The following SDK1 variants were observed in gnomAD, a reference collection of about 807,000 sequenced individuals.
SDK1 encodes sidekick cell adhesion molecule 1, also known as protein sidekick-1.
A neutral mutation model predicts 245.5 loss-of-function variants in SDK1; 157 were observed. That is an observed-to-expected ratio of 0.64 (90% CI 0.56 to 0.73). SDK1 has a LOEUF of 0.73. Among genes scored for constraint, SDK1 ranks in the 30% least tolerant of loss-of-function variants. The pLI is 0.00. For synonymous variants in SDK1, 1,647 were observed against 1,278.5 expected (o/e 1.29, Z -6.15); for missense variants, 3,583 against 3,002.3 (o/e 1.19, Z -4.52).
intron 1 of SDK1, among the ~76,000 whole-genome samples, chr7:3,592,450 A>G (rs996800824): frequency 9.2e-5 from 14 of 152,158 alleles, no homozygotes; most frequent in Admixed American, 4.6e-4. Flanking sequence ...TAGTCCAGAT[A>G]ATTATCACTC....
chr7:4,144,544 G>C (rs1309249222), intron 28 of SDK1, among the ~76,000 whole-genome samples: 1 of 151,860 alleles, frequency 6.6e-6, no homozygotes, highest in Non-Finnish European at 1.5e-5. Context: ...CCACCTCCCA[G>C]ATGGCGGGCT....
intron 1 of SDK1, among the ~76,000 whole-genome samples, chr7:3,379,006 A>C (rs1781419931): frequency 6.6e-6 from 1 of 152,042 alleles, no homozygotes; most frequent in Non-Finnish European, 1.5e-5. Flanking sequence ...CTCGTTAATT[A>C]CTTGGCCAAT....
At chr7:3,655,443 A>G (rs1783134133) in intron 4 of SDK1, among the ~76,000 whole-genome samples, 1 of 119,082 alleles carries the variant, frequency 8.4e-6, no homozygotes, top group Non-Finnish European at 1.7e-5. Context: ...AAACAAAACA[A>G]AACAAATATA....
chr7:3,790,129 CT>C (rs1781033529), intron 4 of SDK1, among the ~76,000 whole-genome samples: 1 of 152,124 alleles, frequency 6.6e-6, no homozygotes, highest in African/African-American at 2.4e-5. Context: ...AGTCTGCAGA[CT>C]GAATGGTGGG....
intron 5 of SDK1, among the ~76,000 whole-genome samples, chr7:3,928,491 C>CA (rs948618434): frequency 6.6e-6 from 1 of 151,980 alleles, no homozygotes; most frequent in African/African-American, 2.4e-5. Context: ...AAGTTCAGGT[C>CA]AAAAAAATAT....
intron 1 of SDK1, among the ~76,000 whole-genome samples, chr7:3,527,451 G>A (rs190774777): frequency 2.0e-5 from 3 of 152,310 alleles, no homozygotes; most frequent in Non-Finnish European, 4.4e-5. Context: ...GCCATGAAGG[G>A]CAGTTTAGGG....
intron 1 of SDK1, among the ~76,000 whole-genome samples, chr7:3,353,119 A>G (rs180679439): frequency 4.6e-5 from 7 of 152,212 alleles, no homozygotes; most frequent in African/African-American, 1.7e-4. Flanking sequence ...TTCTATTTCT[A>G]TTTTGTTTCC....
chr7:3,416,799 TC>T (rs1779377941), intron 1 of SDK1, among the ~76,000 whole-genome samples: 1 of 152,172 alleles, frequency 6.6e-6, no homozygotes, highest in African/African-American at 2.4e-5. Flanking sequence ...CATGTTCTGA[TC>T]CCCATCTGTC....
At chr7:3,870,518 G>C (rs1269332376) in intron 5 of SDK1, among the ~76,000 whole-genome samples, 1 of 151,858 alleles carries the variant, frequency 6.6e-6, no homozygotes, top group Non-Finnish European at 1.5e-5. Flanking sequence ...GTCCTTCCCT[G>C]ACCTTTTGAG....
At chr7:3,349,197 AC>A (rs773604987) in intron 1 of SDK1, among the ~76,000 whole-genome samples, 3 of 149,582 alleles carry the variant, frequency 2.0e-5, no homozygotes, top group African/African-American at 5.0e-5. Flanking sequence ...TTAAAAAAAA[AC>A]AACAAAAAAA....
intron 35 of SDK1, among the ~76,000 whole-genome samples, chr7:4,188,187 C>G (rs559230039): frequency 6.6e-6 from 1 of 152,254 alleles, no homozygotes; most frequent in African/African-American, 2.4e-5. Context: ...ATATCACTAG[C>G]TGTATATCTG....
chr7:3,802,078 C>G (rs1344845252), intron 4 of SDK1, among the ~76,000 whole-genome samples: 1 of 152,192 alleles, frequency 6.6e-6, no homozygotes, highest in Non-Finnish European at 1.5e-5. Context: ...GTTGCAAAAA[C>G]TATTCAGAGA....
chr7:3,511,694 C>T (rs1256141623), intron 1 of SDK1, among the ~76,000 whole-genome samples: 3 of 151,954 alleles, frequency 2.0e-5, no homozygotes, highest in African/African-American at 7.3e-5. Context: ...AAATAAGTCA[C>T]TGTGGACAGT....
intron 22 of SDK1, among the ~76,000 whole-genome samples, chr7:4,086,140 G>A (rs559292092): frequency 6.4e-4 from 97 of 152,092 alleles, no homozygotes; most frequent in Admixed American, 1.2e-3. Context: ...GCTGTCTTCC[G>A]GTGACAGCAC....
chr7:3,342,317 G>A (rs1192860193), intron 1 of SDK1, among the ~76,000 whole-genome samples: 2 of 152,104 alleles, frequency 1.3e-5, no homozygotes, highest in East Asian at 1.9e-4. Flanking sequence ...AGCCAGGTGC[G>A]GTGGCTCATG....
At chr7:3,468,756 G>GT (rs1781090907) in intron 1 of SDK1, among the ~76,000 whole-genome samples, 1 of 152,162 alleles carries the variant, frequency 6.6e-6, no homozygotes, top group Admixed American at 6.5e-5. Context: ...AGTGTTGTCC[G>GT]TATTTTGTTA....
chr7:3,329,278 A>G (rs1370154126), intron 1 of SDK1, among the ~76,000 whole-genome samples: 1 of 152,052 alleles, frequency 6.6e-6, no homozygotes, highest in Non-Finnish European at 1.5e-5. Context: ...GACTCTGGGG[A>G]AAAGCAGATT....
chr7:3,968,724 T>C (rs1457967860), intron 10 of SDK1, among the ~76,000 whole-genome samples: 1 of 152,256 alleles, frequency 6.6e-6, no homozygotes, highest in East Asian at 1.9e-4. Flanking sequence ...TTGGTTTTTG[T>C]TATTCTAAAC....
At chr7:3,422,323 T>C (rs1456750967) in intron 1 of SDK1, among the ~76,000 whole-genome samples, 1 of 152,150 alleles carries the variant, frequency 6.6e-6, no homozygotes, top group African/African-American at 2.4e-5. Flanking sequence ...ACTTAAGGCA[T>C]TGGTGAAGTC....
Sources: gnomAD v4.1 joint callset for allele counts (sites outside exome capture counted in the v4.1 genomes callset) on GRCh38, gnomAD v4.1.1 for gene constraint, MANE v1.5 for transcripts, NCBI Gene and HGNC (gene_info 2026-07-23, HGNC 2026-07-21) for gene names.